The following ZNF419 variants were observed in gnomAD, a reference collection of about 807,000 sequenced individuals.
The protein encoded by ZNF419 is zinc finger protein 419, also known as zinc finger protein 419A.
Under a neutral mutation model 14.9 loss-of-function variants are expected in ZNF419, and 8 were observed. That is an observed-to-expected ratio of 0.54 (90% CI 0.32 to 0.97). ZNF419 has a LOEUF of 0.97. Ranked by LOEUF, ZNF419 falls within the 50% of genes least tolerant of loss-of-function variation. The pLI, the probability that ZNF419 is intolerant of heterozygous loss-of-function variation, is 0.04. For synonymous variants in ZNF419, 211 were observed against 205.3 expected (o/e 1.03, Z -0.24); for missense variants, 595 against 607.2 (o/e 0.98, Z 0.21).
In ZNF419 at chr19:57,490,293, A is replaced by G. The variant is rs970589630; in HGVS notation, c.72+108A>G. On this transcript the variant is annotated intron_variant, in intron 2 of 4. Coordinates refer to ENST00000221735, the MANE Select transcript of ZNF419 (RefSeq NM_024691.4). ...TGCTGGCTATTCTCCCTACCCTTCC[A>G]TTTGAGTTCCCTGGAAGATGGTCAC... is the stretch of plus-strand genomic sequence containing the variant. 4.0e-6 allele frequency: 4 copies of G among 1,007,218 alleles called. No homozygotes were observed. In the African/African-American group the frequency reaches 6.4e-5, roughly 16 times the overall value. 62.4% of individuals were successfully genotyped at this position (1,007,218 alleles called of 1,614,324 possible).
chr19:57,491,328 T>G (rs1308933909), intron 2 of ZNF419, 143 bp from the exon 3 acceptor site: 10 of 1,234,654 alleles, frequency 8.1e-6, no homozygotes, highest in Non-Finnish European at 9.1e-6. Context: ...GAGGAGAGAG[T>G]GGGCATCAGT....
At position 57,493,062 on chromosome 19, in the gene ZNF419, C is replaced by T. The variant is rs1461945897; in HGVS notation, c.505C>T (p.Leu169=). ...AAGCAGGGAGGTTGGGAAGGCCCTC[C>T]TGATCAGCTCAGGTGTTCTCAAGCA... is the stretch of plus-strand genomic sequence containing the variant. ...LQSREVGKAL[L]ISSGVLKHQV... is the part of the protein sequence containing the mutation. Residue 169 remains leucine, a synonymous_variant, in exon 5 of 5, where the codon CTG becomes TTG. Coordinates refer to ENST00000221735, the MANE Select transcript of ZNF419 (RefSeq NM_024691.4). 8 of 1,613,910 alleles carry T rather than the reference C, an allele frequency of 5.0e-6. No homozygotes were observed. Among genetic ancestry groups the T allele is most frequent in the Admixed American group, 1.7e-5 (1 of 59,962 alleles).
intron 3 of ZNF419, chr19:57,491,903 C>G (rs1382339134): frequency 1.5e-6 from 1 of 653,084 alleles, no homozygotes; most frequent in Non-Finnish European, 2.7e-6. Context: ...TTCTATTCCC[C>G]TACATTCTGC....
rs959260696 is a variant in ZNF419 at position 57,495,859 on chromosome 19, T to C, written c.*1769T>C. On this transcript the variant is annotated 3_prime_UTR_variant, in exon 5 of 5. Coordinates refer to ENST00000221735, the MANE Select transcript of ZNF419 (RefSeq NM_024691.4). ...TGTAGGTTTAACTACAAATAAATAA[T>C]TCAATATATAGATAAATGTGTACAT... 1.3e-5 allele frequency: 2 copies of C among 150,868 alleles called. No individual in the cohort carries two copies. Among genetic ancestry groups the C allele is most frequent in the Non-Finnish European group, 2.9e-5 (2 of 67,904 alleles). 9.3% of individuals were successfully genotyped at this position (150,868 alleles called of 1,614,324 possible).
At chr19:57,490,063 A>C (rs1448048504) in intron 1 of ZNF419, 84 bp from the exon 2 acceptor site, 2 of 1,304,840 alleles carry the variant, frequency 1.5e-6, no homozygotes, top group African/African-American at 2.9e-5. Flanking sequence ...AGTCAGGCAC[A>C]CCTGACTCCA....
At chr19:57,488,215 A>G in intron 1 of ZNF419, 1 of 602,550 alleles carries the variant, frequency 1.7e-6, no homozygotes, top group Non-Finnish European at 2.8e-6. Flanking sequence ...CAGCTTGGGA[A>G]GGGACGAGGC....
At position 57,487,933 on chromosome 19, in the gene ZNF419, C is replaced by T; in HGVS notation, c.-18C>T. 6.2e-7 allele frequency: 1 copy of T among 1,613,790 alleles called. No homozygotes were observed. The highest frequency in any genetic ancestry group is 8.5e-7 in the Non-Finnish European group (1 of 1,179,894). Reference sequence around the variant, plus strand: ...TCCTCGGTCATTGTCTCCCCTCCAGCTCTACTCACAGGCTCCGATGGCGGC... The same window carrying T: ...TCCTCGGTCATTGTCTCCCCTCCAGTTCTACTCACAGGCTCCGATGGCGGC... On this transcript the variant is annotated 5_prime_UTR_variant, in exon 1 of 5. Coordinates refer to ENST00000221735, the MANE Select transcript of ZNF419 (RefSeq NM_024691.4).
rs2089545608 is a variant in ZNF419 at position 57,493,408 on chromosome 19, A to G, written c.851A>G (p.Glu284Gly). The change falls in exon 5 of 5, where the codon GAA becomes GGA. Residue 284 changes from glutamate (E) to glycine (G), a missense_variant. By Grantham distance (98) the Glu-to-Gly change is moderately conservative. Coordinates refer to ENST00000221735, the MANE Select transcript of ZNF419 (RefSeq NM_024691.4). ...GAACACCAGAGAGTTCACACTGGAGAAAAGCCTTTTACATGCAGTGAATGT... is the reference window on the plus strand; with the variant it reads ...GAACACCAGAGAGTTCACACTGGAGGAAAGCCTTTTACATGCAGTGAATGT... ...LIEHQRVHTGEKPFTCSECGK... is the reference protein window; with the variant it reads ...LIEHQRVHTGGKPFTCSECGK... 6.2e-7 allele frequency: 1 copy of G among 1,614,058 alleles called. No homozygotes were observed.
chr19:57,491,059 C>CT (rs2089469682), intron 2 of ZNF419: 1 of 193,030 alleles, frequency 5.2e-6, no homozygotes, highest in African/African-American at 2.3e-5. Context: ...CTAGGGGAAG[C>CT]ACATGAGGTG....
Position 57,487,764 on chromosome 19 carries a change from C to A in ZNF419, c.-187C>A. On this transcript the variant is annotated 5_prime_UTR_variant, in exon 1 of 5. Transcript: ENST00000221735. ...GCGTCTCGTTTGGTATTCACTTTCG[C>A]GACTCAGGTGAACTAACCTGCGAGA... 1 of 751,342 alleles carries A rather than the reference C, an allele frequency of 1.3e-6. No homozygotes were observed. Among genetic ancestry groups the A allele is most frequent in the Non-Finnish European group, 2.2e-6 (1 of 456,970 alleles). 46.5% of individuals were successfully genotyped at this position (751,342 alleles called of 1,614,324 possible). A position where few individuals can be genotyped will look rare whatever the true frequency, so the allele number is the denominator to read the frequency against.
At chr19:57,492,482 C>G (rs1253392601) in intron 4 of ZNF419, 1 of 766,164 alleles carries the variant, frequency 1.3e-6, no homozygotes. Flanking sequence ...TTGCATAGTC[C>G]TTGAGCATCA....
Position 57,490,175 on chromosome 19 carries a change from A to C in ZNF419, c.62A>C (p.Asp21Ala). 6.2e-7 allele frequency: 1 copy of C among 1,613,520 alleles called. No individual in the cohort carries two copies. The highest frequency in any genetic ancestry group is 8.5e-7 in the Non-Finnish European group (1 of 1,179,818). ...CCTGTGGCTGCAGACTTGCTTACAGACCATGAGGAGGTAAGTGGAGGATGT... is the reference window on the plus strand; with the variant it reads ...CCTGTGGCTGCAGACTTGCTTACAGCCCATGAGGAGGTAAGTGGAGGATGT... ...QVPVAADLLT[D>A]HEEGYVTFED... The change falls in exon 2 of 5, where the codon GAC (aspartate) becomes GCC (alanine). Residue 21 changes from aspartate (D) to alanine (A), a missense_variant. Transcript: ENST00000221735.
In ZNF419 at chr19:57,492,224, T is replaced by C. The variant is rs1336035890; in HGVS notation, c.298+13T>C. On this transcript the variant is annotated intron_variant, in intron 4 of 4. Coordinates refer to ENST00000221735, the MANE Select transcript of ZNF419 (RefSeq NM_024691.4). ...GCCATACCGAGAGGTAGTTGGTGGG[T>C]GGAGCTCAGGGAGGTGTGAACTCAG... The C allele has an allele frequency of 1.2e-6, 2 of 1,613,778 alleles. No individual in the cohort carries two copies. Among genetic ancestry groups the C allele is most frequent in the Non-Finnish European group, 1.7e-6 (2 of 1,179,876 alleles).
intron 3 of ZNF419, 177 bp downstream of exon 3, chr19:57,491,774 A>G (rs1382479213): frequency 7.6e-6 from 7 of 918,412 alleles, no homozygotes; most frequent in Non-Finnish European, 1.2e-5. Context: ...TCTCTCCCCA[A>G]GCTGCCCCAC....
rs2089584794 is a variant in ZNF419, at chr19:57,494,519, A to G, written c.*429A>G. 5.6e-6 allele frequency: 1 copy of G among 177,382 alleles called. No homozygotes were observed. The highest frequency in any genetic ancestry group is 1.2e-5 in the Non-Finnish European group (1 of 85,224). The allele number at this position is 177,382 out of a possible 1,614,324, so 11.0% of individuals were successfully genotyped here. On this transcript the variant is annotated 3_prime_UTR_variant, in exon 5 of 5. Coordinates refer to ENST00000221735, the MANE Select transcript of ZNF419 (RefSeq NM_024691.4). ...GAGCTCCAGAGAGAGGGAGCCCTGT[A>G]TTCTTGGCTGTACCCGTCGAATGGA...
In ZNF419 at chr19:57,495,636, G is replaced by A. The variant is rs1199998948; in HGVS notation, c.*1546G>A. Reference sequence around the variant, plus strand: ...AGCTATCCTGGAGGCTGAGGCAGGAGAATGGTGTGAGCCCGGGAGGCGGAG... The same window carrying A: ...AGCTATCCTGGAGGCTGAGGCAGGAAAATGGTGTGAGCCCGGGAGGCGGAG... On this transcript the variant is annotated 3_prime_UTR_variant, in exon 5 of 5. Transcript: ENST00000221735. The A allele has an allele frequency of 6.7e-6, 1 of 149,262 alleles. No homozygotes were observed. The highest frequency in any genetic ancestry group is 1.5e-5 in the Non-Finnish European group (1 of 67,510). 9.2% of individuals were successfully genotyped at this position (149,262 alleles called of 1,614,324 possible).
Position 57,492,610 on chromosome 19 carries a change from C to T in ZNF419, c.299-246C>T, listed in dbSNP as rs555712473. On this transcript the variant is annotated intron_variant, in intron 4 of 4. Transcript: ENST00000221735. ...CATTTGCAGAGGATTGTGTTGGGGA[C>T]ACTGCCTCTCCTCCCTGTGCTATAC... is the stretch of plus-strand genomic sequence containing the variant. The T allele has an allele frequency of 6.6e-6, 5 of 752,040 alleles. No homozygotes were observed. In the African/African-American group the frequency reaches 8.5e-5, roughly 13 times the overall value. 46.6% of individuals were successfully genotyped at this position (752,040 alleles called of 1,614,324 possible).
At chr19:57,491,341 C>T (rs899717686) in intron 2 of ZNF419, 130 bp from the exon 3 acceptor site, 85 of 1,417,642 alleles carry the variant, frequency 6.0e-5, no homozygotes, top group African/African-American at 2.7e-4. Context: ...GCATCAGTGG[C>T]TCTGGGGCAG....
chr19:57,493,369 A>C lies in ZNF419; in HGVS notation c.812A>C (p.Asn271Thr), dbSNP rs199669541. ...CSNCGKSFSR[N>T]AHLIEHQRVH... ...AACTGTGGAAAATCCTTTAGCCGTA[A>C]TGCTCACCTCATTGAACACCAGAGA... is the stretch of plus-strand genomic sequence containing the variant. The change falls in exon 5 of 5, where the codon AAT (asparagine) becomes ACT (threonine). Residue 271 changes from asparagine (N) to threonine (T), a missense_variant. Asn to Thr is a moderately conservative substitution (Grantham distance 65, BLOSUM62 0). Coordinates refer to ENST00000221735, the MANE Select transcript of ZNF419 (RefSeq NM_024691.4). 6.2e-7 allele frequency: 1 copy of C among 1,613,990 alleles called. No homozygotes were observed. The highest frequency in any genetic ancestry group is 1.3e-5 in the African/African-American group (1 of 74,910).
Sources: allele counts gnomAD v4.1 joint callset, GRCh38; gene constraint gnomAD v4.1.1; transcripts MANE v1.5; gene names NCBI Gene and HGNC (gene_info 2026-07-23, HGNC 2026-07-21).